The following ODAD4 variants were observed in gnomAD, a reference collection of about 807,000 sequenced individuals.
The protein encoded by ODAD4 is outer dynein arm docking complex subunit 4, also known as outer dynein arm-docking complex subunit 4.
In ODAD4, 49 loss-of-function variants were observed where a neutral mutation model predicts 51.8. The ratio of observed to expected loss-of-function variants is 0.95; its 90% CI spans 0.75 to 1.20. The LOEUF (loss-of-function observed/expected upper bound fraction) is 1.20. ODAD4 is among the 50% of genes most tolerant of loss of function. ODAD4 has a pLI of 0.00. For synonymous variants in ODAD4, 235 were observed against 221.3 expected (o/e 1.06, Z -0.55); for missense variants, 590 against 586.5 (o/e 1.01, Z -0.06).
intron 7 of ODAD4, among the ~76,000 whole-genome samples, chr17:41,939,461 A>G (rs892613345): frequency 6.6e-6 from 1 of 152,238 alleles, no homozygotes; most frequent in African/African-American, 2.4e-5. Flanking sequence ...ACGAGCATGC[A>G]TGAAGCCCCA....
At chr17:41,945,502 A>T (rs1382445209) in intron 8 of ODAD4, among the ~76,000 whole-genome samples, 1 of 152,124 alleles carries the variant, frequency 6.6e-6, no homozygotes, top group Non-Finnish European at 1.5e-5. Context: ...ATATGTTACC[A>T]GTGGAAGGTA....
chr17:41,951,349 C>T (rs1161417560), intron 9 of ODAD4, among the ~76,000 whole-genome samples: 1 of 152,046 alleles, frequency 6.6e-6, no homozygotes, highest in East Asian at 1.9e-4. Flanking sequence ...TCCCAAAGTG[C>T]TGGGATTACA....
At chr17:41,931,384 C>A (rs1444271251) in intron 1 of ODAD4, among the ~76,000 whole-genome samples, 1 of 152,170 alleles carries the variant, frequency 6.6e-6, no homozygotes, top group Non-Finnish European at 1.5e-5. Context: ...TTTTCCTCCA[C>A]TTTTACTTAA....
At chr17:41,954,549 C>A (rs2050702131) in intron 9 of ODAD4, among the ~76,000 whole-genome samples, 1 of 151,818 alleles carries the variant, frequency 6.6e-6, no homozygotes, top group African/African-American at 2.4e-5. Context: ...AAATGAATGA[C>A]CATTTAAAAA....
At chr17:41,957,883 CAAG>C (rs2050754231) in intron 10 of ODAD4, among the ~76,000 whole-genome samples, 1 of 152,104 alleles carries the variant, frequency 6.6e-6, no homozygotes, top group African/African-American at 2.4e-5. Context: ...TCTCTGGGCT[CAAG>C]AGATAAGTAT....
chr17:41,955,336 C>G lies in ODAD4; in HGVS notation c.1443+19C>G, dbSNP rs782662335. On this transcript the variant is annotated intron_variant, in intron 10 of 11. Coordinates refer to ENST00000377540, the MANE Select transcript of ODAD4 (RefSeq NM_031421.5). ...CATCAGTGTGAGCCTTTCCACCCGCCGGGCTTCGGGTGTCAGGAGTGGGGT... is the reference window on the plus strand; with the variant it reads ...CATCAGTGTGAGCCTTTCCACCCGCGGGGCTTCGGGTGTCAGGAGTGGGGT... 5.2e-6 allele frequency: 4 copies of G among 763,432 alleles called. No individual in the cohort carries two copies. Among genetic ancestry groups the G allele is most frequent in the Non-Finnish European group, 7.3e-6 (3 of 410,070 alleles). The allele number at this position is 763,432 out of a possible 1,614,324, so 47.3% of individuals were successfully genotyped here.
At chr17:41,939,897 G>C (rs2078927461) in intron 7 of ODAD4, among the ~76,000 whole-genome samples, 1 of 152,182 alleles carries the variant, frequency 6.6e-6, no homozygotes, top group African/African-American at 2.4e-5. Context: ...AGCTCCCTCA[G>C]CCTCAGGGTC....
At chr17:41,932,575 C>T (rs991841982) in intron 1 of ODAD4, among the ~76,000 whole-genome samples, 4 of 151,872 alleles carry the variant, frequency 2.6e-5, no homozygotes, top group Non-Finnish European at 5.9e-5. Flanking sequence ...GACAGGATCT[C>T]GTTCTGTCTC....
At chr17:41,944,441 CACA>C (rs1363456025) in intron 7 of ODAD4, among the ~76,000 whole-genome samples, 128 of 3,856 alleles carry the variant, frequency 0.033, no homozygotes, top group South Asian at 0.053. Flanking sequence ...CACACACACA[CACA>C]CCCCCCCGCA....
intron 7 of ODAD4, among the ~76,000 whole-genome samples, chr17:41,943,740 A>G (rs2144507205): frequency 6.6e-6 from 1 of 152,332 alleles, no homozygotes; most frequent in East Asian, 1.9e-4. Context: ...AGGCTTAGGC[A>G]GGAGGATTGC....
chr17:41,962,378 C>T (rs1267905220), intron 11 of ODAD4, among the ~76,000 whole-genome samples: 1 of 152,182 alleles, frequency 6.6e-6, no homozygotes, highest in Admixed American at 6.5e-5. Context: ...AGGGAGTAAA[C>T]AGGCCTTTGG....
intron 7 of ODAD4, among the ~76,000 whole-genome samples, chr17:41,941,695 G>A (rs978342351): frequency 3.3e-5 from 5 of 151,376 alleles, no homozygotes; most frequent in African/African-American, 4.9e-5. Context: ...GCAGGAGAAT[G>A]GCGTGAACCC....
rs782677529 is a variant in ODAD4 at position 41,935,665 on chromosome 17, C to G, written c.313C>G (p.His105Asp). The change falls in exon 3 of 12, where the codon CAT becomes GAT. Residue 105 changes from histidine to aspartate, a missense_variant. Around this residue, in one of 3 missense-constraint regions of ODAD4, gnomAD observed 360 missense variants for 407.5 expected, o/e 0.88. Transcript: ENST00000377540. ...CTTTGAGTTTGCCTTGGTATTCTAT[C>G]ATCGAGGCTACAAGCTGAGGCCTGA... ...GDFEFALVFY[H>D]RGYKLRPDRE... The G allele has an allele frequency of 1.2e-6, 2 of 1,613,496 alleles. No individual in the cohort carries two copies. Among genetic ancestry groups the G allele is most frequent in the African/African-American group, 1.3e-5 (1 of 74,924 alleles).
chr17:41,936,378 C>G, intron 3 of ODAD4, 95 bp from the exon 4 acceptor site: 2 of 870,078 alleles, frequency 2.3e-6, no homozygotes, highest in Non-Finnish European at 3.8e-6. Flanking sequence ...CCTCCACCAT[C>G]CCCCTGCCAA....
intron 9 of ODAD4, among the ~76,000 whole-genome samples, chr17:41,953,301 C>T (rs371484388): frequency 1.3e-5 from 2 of 152,030 alleles, no homozygotes; most frequent in African/African-American, 2.4e-5. Context: ...CCTTGTGATC[C>T]GCCTGTCTTG....
chr17:41,958,165 A>G (rs1598090835), intron 10 of ODAD4, among the ~76,000 whole-genome samples: 1 of 152,176 alleles, frequency 6.6e-6, no homozygotes, highest in Non-Finnish European at 1.5e-5. Context: ...TCACCTGGCT[A>G]ACTCCCACTC....
chr17:41,951,212 G>A (rs993187986), intron 9 of ODAD4, among the ~76,000 whole-genome samples: 53 of 148,734 alleles, frequency 3.6e-4, no homozygotes, highest in Non-Finnish European at 5.9e-4. Context: ...AGTCTCCTGA[G>A]TAGCTGGGAT....
intron 1 of ODAD4, among the ~76,000 whole-genome samples, chr17:41,932,055 A>C (rs1555636985): frequency 6.6e-6 from 1 of 151,634 alleles, no homozygotes; most frequent in African/African-American, 2.4e-5. Flanking sequence ...CCTCAGGCAC[A>C]CTGCTAAGCA....
At chr17:41,955,538 T>C (rs1555640895) in intron 10 of ODAD4, among the ~76,000 whole-genome samples, 1 of 152,112 alleles carries the variant, frequency 6.6e-6, no homozygotes, top group East Asian at 1.9e-4. Context: ...ACCATTCTCC[T>C]GCCTCAGCCT....
Sources: allele counts gnomAD v4.1 joint callset (sites outside exome capture counted in the v4.1 genomes callset), GRCh38; gene constraint gnomAD v4.1.1; regional missense constraint gnomAD v4.1.1; transcripts MANE v1.5; gene names NCBI Gene and HGNC (gene_info 2026-07-23, HGNC 2026-07-21).